The following CDK10 variants were observed in gnomAD, a reference collection of about 807,000 sequenced individuals.
CDK10 encodes the protein cyclin-dependent kinase 10.
In CDK10, 55 loss-of-function variants were observed where a neutral mutation model predicts 51.0. The observed-to-expected ratio is 1.08, with a 90% CI of 0.87 to 1.35. The LOEUF (loss-of-function observed/expected upper bound fraction) is 1.35. CDK10 is among the 40% of genes most tolerant of loss of function. CDK10 has a pLI of 0.00. For missense variants in CDK10, 589 were observed against 485.1 expected (o/e 1.21, Z -2.01); for synonymous variants, 255 against 199.1 (o/e 1.28, Z -2.36).
rs763057990 is a variant in CDK10 at position 89,693,463 on chromosome 16, C to G, written c.604C>G (p.Leu202Val). ...VKPMTPKVVT[L>V]WYRAPELLLG... Reference sequence around the variant, plus strand: ...GCCAATGACCCCCAAGGTGGTCACTCTCTGGTAAGTCCTTCTGAAGCATGG... The same window carrying G: ...GCCAATGACCCCCAAGGTGGTCACTGTCTGGTAAGTCCTTCTGAAGCATGG... The change falls in exon 8 of 13, where the codon CTC (leucine) becomes GTC (valine). Residue 202 changes from leucine to valine, a missense_variant. By Grantham distance (32) the Leu-to-Val change is conservative (BLOSUM62 1). Coordinates refer to ENST00000353379, the MANE Select transcript of CDK10 (RefSeq NM_052988.5). The G allele has an allele frequency of 3.1e-6, 5 of 1,614,024 alleles. No homozygotes were observed. The highest frequency in any genetic ancestry group is 4.2e-6 in the Non-Finnish European group (5 of 1,179,946).
chr16:89,692,596 C>T, intron 6 of CDK10, 80 bp downstream of exon 6: 1 of 1,064,642 alleles, frequency 9.4e-7, no homozygotes, highest in Non-Finnish European at 1.3e-6. Flanking sequence ...TTACTAAAAG[C>T]TCAGGGGTTC....
intron 2 of CDK10, chr16:89,690,262 G>A (rs1481028897): frequency 2.1e-6 from 1 of 466,618 alleles, no homozygotes; most frequent in African/African-American, 1.9e-5. Flanking sequence ...TGATCTGCAT[G>A]CTAAGGAGGA....
Position 89,686,716 on chromosome 16 carries a change from G to A in CDK10, c.6G>A (p.Ala2=), listed in dbSNP as rs1218267426. The A allele has an allele frequency of 1.9e-6, 3 of 1,601,240 alleles. No homozygotes were observed. Among genetic ancestry groups the A allele is most frequent in the Admixed American group, 1.7e-5 (1 of 58,720 alleles). The stretch of plus-strand genomic sequence containing the variant: ...AGGCGGGGCCAGCGCTCGGCATGGC[G>A]GAGCCAGATCTGGAGTGCGAGCAGA... M[A]EPDLECEQIR... Residue 2 remains alanine (A), a synonymous_variant, in exon 1 of 13, where the codon GCG becomes GCA. Transcript: ENST00000353379.
intron 5 of CDK10, 99 bp downstream of exon 5, chr16:89,691,986 C>A: frequency 1.1e-6 from 1 of 900,148 alleles, no homozygotes; most frequent in Non-Finnish European, 1.7e-6. Flanking sequence ...TGAAGAGCTG[C>A]TGCTGCCTCT....
chr16:89,688,636 C>T (rs1447729223), intron 1 of CDK10, among the ~76,000 whole-genome samples: 1 of 152,174 alleles, frequency 6.6e-6, no homozygotes, highest in African/African-American at 2.4e-5. Flanking sequence ...CCAGATGCCA[C>T]TGGGTAGCGT....
Position 89,695,931 on chromosome 16 carries a change from G to A in CDK10, c.*239G>A, listed in dbSNP as rs1270383389. 5 of 783,146 alleles carry A rather than the reference G, an allele frequency of 6.4e-6. No individual in the cohort carries two copies. Among genetic ancestry groups the A allele is most frequent in the Non-Finnish European group, 1.0e-5 (5 of 482,876 alleles). The allele number at this position is 783,146 out of a possible 1,614,324, so 48.5% of individuals were successfully genotyped here. On this transcript the variant is annotated 3_prime_UTR_variant, in exon 13 of 13. Coordinates refer to ENST00000353379, the MANE Select transcript of CDK10 (RefSeq NM_052988.5). ...GCACCCTGGAAGGGCAGGTCTGGCG[G>A]CTCCATCCGTGGCTGCAGGGGTCTC...
chr16:89,688,054 G>A (rs1276190114), intron 1 of CDK10, among the ~76,000 whole-genome samples: 1 of 150,504 alleles, frequency 6.6e-6, no homozygotes, highest in Non-Finnish European at 1.5e-5. Context: ...GGGGCTGTGA[G>A]GTTTCAAACC....
At chr16:89,693,628 A>C in intron 8 of CDK10, 161 bp downstream of exon 8, 1 of 684,406 alleles carries the variant, frequency 1.5e-6, no homozygotes, top group South Asian at 1.8e-5. Flanking sequence ...TCCAGGACAC[A>C]GCAGGGCTGT....
rs1405009444 is a variant in CDK10 at position 89,691,508 on chromosome 16, G to A, written c.298G>A (p.Glu100Lys). The part of the protein sequence containing the change: ...LLRLRHPNIV[E>K]LKEVVVGNHL... ...CCGCCTGCGTCATCCGAACATCGTG[G>A]AGCTGAAGGAGGTGGTTGTGGGGAA... The change falls in exon 4 of 13, where the codon GAG becomes AAG. Residue 100 changes from glutamate (E) to lysine (K), a missense_variant. Transcript: ENST00000353379. 2.5e-6 allele frequency: 4 copies of A among 1,613,898 alleles called. No homozygotes were observed. The highest frequency in any genetic ancestry group is 1.7e-5 in the Admixed American group (1 of 59,972).
chr16:89,692,962 C>A (rs999693630), intron 6 of CDK10, among the ~76,000 whole-genome samples: 1 of 151,832 alleles, frequency 6.6e-6, no homozygotes, highest in African/African-American at 2.4e-5. Context: ...ACAGTGAAAC[C>A]CCATCTCTAC....
chr16:89,693,218 A>G, intron 6 of CDK10, 56 bp from the exon 7 acceptor site: 1 of 1,506,914 alleles, frequency 6.6e-7, no homozygotes, highest in Non-Finnish European at 9.2e-7. Flanking sequence ...GCCGTGGGGG[A>G]GCTCTCAGCC....
rs1196250754 is a variant in CDK10, at chr16:89,696,172, G to T, written c.*480G>T. On this transcript the variant is annotated 3_prime_UTR_variant, in exon 13 of 13. Coordinates refer to ENST00000353379, the MANE Select transcript of CDK10 (RefSeq NM_052988.5). ...TGGGCCTGGCAGGACTCCAGATGAG[G>T]ACAAGAGGGACAAGGTATGGGGTGG... The T allele has an allele frequency of 1.4e-5, 5 of 361,530 alleles. No homozygotes were observed. Among genetic ancestry groups the T allele is most frequent in the Non-Finnish European group, 2.1e-5 (4 of 189,942 alleles). 22.4% of individuals were successfully genotyped at this position (361,530 alleles called of 1,614,324 possible). A position where few individuals can be genotyped will look rare whatever the true frequency, so the allele number is the denominator to read the frequency against.
In CDK10 at chr16:89,686,759, C is replaced by T. The variant is rs770631824; in HGVS notation, c.49C>T (p.Arg17Cys). 4.3e-6 allele frequency: 7 copies of T among 1,612,464 alleles called. No homozygotes were observed. The highest frequency in any genetic ancestry group is 1.3e-5 in the African/African-American group (1 of 74,866). The change falls in exon 1 of 13, where the codon CGT (arginine) becomes TGT (cysteine). Residue 17 changes from arginine to cysteine, a missense_variant. Arg to Cys is a radical substitution (Grantham distance 180). Coordinates refer to ENST00000353379, the MANE Select transcript of CDK10 (RefSeq NM_052988.5). The part of the protein sequence containing the change: ...ECEQIRLKCI[R>C]KEGFFTVPPE... ...CGAGCAGATCCGTCTGAAGTGTATT[C>T]GTAAGGAGGGCTTCTTCACGGTGCC... is the stretch of plus-strand genomic sequence containing the variant.
At chr16:89,689,827 G>T in intron 2 of CDK10, 1 of 155,470 alleles carries the variant, frequency 6.4e-6, no homozygotes. Context: ...GGGACCACAA[G>T]AGTACATAAG....
At chr16:89,693,773 C>T (rs577401706) in intron 8 of CDK10, 14 of 552,432 alleles carry the variant, frequency 2.5e-5, no homozygotes, top group African/African-American at 2.4e-4. Context: ...GACTGAAGGA[C>T]AGGCAGCTTG....
intron 12 of CDK10, 53 bp from the exon 13 acceptor site, chr16:89,695,542 C>CT: frequency 6.4e-7 from 1 of 1,561,598 alleles, no homozygotes; most frequent in East Asian, 2.4e-5. Flanking sequence ...CCTGGGCCTG[C>CT]TCCTCCTATC....
intron 3 of CDK10, 140 bp downstream of exon 3, chr16:89,690,764 C>A: frequency 1.4e-6 from 1 of 738,756 alleles, no homozygotes. Context: ...TGGCCCAGCA[C>A]ATCACCCCCA....
At chr16:89,688,152 G>C (rs3764256) in intron 1 of CDK10, among the ~76,000 whole-genome samples, 1 of 147,028 alleles carries the variant, frequency 6.8e-6, no homozygotes, top group African/African-American at 2.5e-5. Context: ...CGCAGTCTCG[G>C]CTCACTGCAA....
At chr16:89,691,938 T>A in intron 5 of CDK10, 51 bp downstream of exon 5, 1 of 1,481,022 alleles carries the variant, frequency 6.8e-7, no homozygotes, top group Non-Finnish European at 9.4e-7. Flanking sequence ...TGGGCCCTTG[T>A]GGTGCACATT....
Sources: gnomAD v4.1 joint callset for allele counts (sites outside exome capture counted in the v4.1 genomes callset) on GRCh38, gnomAD v4.1.1 for gene constraint, MANE v1.5 for transcripts, NCBI Gene and HGNC (gene_info 2026-07-23, HGNC 2026-07-21) for gene names.